RBFOX1: variants seen among roughly 807,000 people sequenced by gnomAD.
RBFOX1 encodes the protein RNA binding fox-1 homolog 1, also known as RNA binding protein fox-1 homolog 1.
RBFOX1 carries 8 observed loss-of-function variants against 57.7 expected under a neutral mutation model. The observed-to-expected ratio is 0.14, with a 90% CI of 0.08 to 0.25. The LOEUF (loss-of-function observed/expected upper bound fraction) is 0.25, where lower values mean the gene tolerates loss of function less well. Among genes scored for constraint, RBFOX1 ranks in the 10% least tolerant of loss-of-function variants. The pLI is 1.00. For missense variants in RBFOX1, 611 were observed against 548.5 expected, an observed-to-expected ratio of 1.11 and a Z score of -1.14; for synonymous variants, 326 against 222.4, an observed-to-expected ratio of 1.47 and a Z score of -4.15.
chr16:5,318,394 G>A (rs1227958235), intron 1 of RBFOX1, among the ~76,000 whole-genome samples: 1 of 152,116 alleles, frequency 6.6e-6, no homozygotes, highest in African/African-American at 2.4e-5. Flanking sequence ...CTCCCAAAGG[G>A]CTGGGATTAC....
At chr16:5,540,945 G>A (rs1366220578) in intron 2 of RBFOX1, among the ~76,000 whole-genome samples, 1 of 152,108 alleles carries the variant, frequency 6.6e-6, no homozygotes, top group African/African-American at 2.4e-5. Context: ...CACCTCCCTG[G>A]TTCATGTGAT....
intron 4 of RBFOX1, among the ~76,000 whole-genome samples, chr16:5,950,015 C>G (rs149520540): frequency 0.019 from 2,965 of 152,316 alleles, 50 homozygotes; most frequent in Middle Eastern, 0.031. Flanking sequence ...GCACATCACA[C>G]CAGTGGGCAG....
chr16:6,518,369 C>T (rs2096423021), intron 2 of RBFOX1, among the ~76,000 whole-genome samples: 1 of 152,124 alleles, frequency 6.6e-6, no homozygotes, highest in South Asian at 2.1e-4. Flanking sequence ...TCAAGGCTTT[C>T]TGTGGGTGTC....
At chr16:6,210,361 CAAAAAAAAA>C (rs3064933) in intron 1 of RBFOX1, among the ~76,000 whole-genome samples, 1 of 61,454 alleles carries the variant, frequency 1.6e-5, no homozygotes. Flanking sequence ...AAAAAAACAC[CAAAAAAAAA>C]AAAAAAAAGA....
At chr16:6,168,153 C>G (rs1387509247) in intron 1 of RBFOX1, among the ~76,000 whole-genome samples, 1 of 152,136 alleles carries the variant, frequency 6.6e-6, no homozygotes, top group Non-Finnish European at 1.5e-5. Context: ...TGATATGCGG[C>G]TTATCTTTCA....
intron 3 of RBFOX1, among the ~76,000 whole-genome samples, chr16:5,830,524 G>C (rs1179257052): frequency 6.6e-6 from 1 of 152,182 alleles, no homozygotes; most frequent in Non-Finnish European, 1.5e-5. Context: ...ACCCTCGGGA[G>C]AAAGGGGTTC....
chr16:6,653,539 C>T lies in RBFOX1; in HGVS notation c.-63-1064C>T, dbSNP rs183132957. Reference sequence around the variant, plus strand: ...AGGAATTATGTTTGTTTCACCTTTTCGTACCAGGACAACAAGAAAATAGCA... The same window carrying T: ...AGGAATTATGTTTGTTTCACCTTTTTGTACCAGGACAACAAGAAAATAGCA... On this transcript the variant is annotated intron_variant, in intron 2 of 15. Coordinates refer to ENST00000550418, the MANE Select transcript of RBFOX1 (RefSeq NM_018723.4). Among the ~76,000 whole-genome samples the T allele has an allele frequency of 4.8e-3, 725 of 152,056 alleles. 4 individuals carry two copies. Among genetic ancestry groups the T allele is most frequent in the Non-Finnish European group, 7.8e-3 (530 of 68,014 alleles).
chr16:6,812,094 A>G (rs1038564347), intron 3 of RBFOX1, among the ~76,000 whole-genome samples: 4 of 152,144 alleles, frequency 2.6e-5, no homozygotes, highest in Admixed American at 6.5e-5. Context: ...ACTCCATATG[A>G]TGAAGAAGCC....
intron 4 of RBFOX1, among the ~76,000 whole-genome samples, chr16:7,090,002 T>G (rs1437709374): frequency 6.6e-6 from 1 of 152,166 alleles, no homozygotes; most frequent in African/African-American, 2.4e-5. Flanking sequence ...ATTAACACTG[T>G]GAGGTTGGAG....
intron 2 of RBFOX1, among the ~76,000 whole-genome samples, chr16:6,396,841 G>T (rs1192338544): frequency 6.6e-6 from 1 of 152,076 alleles, no homozygotes; most frequent in African/African-American, 2.4e-5. Flanking sequence ...GAAACAGCTG[G>T]TATAAATGTG....
intron 2 of RBFOX1, among the ~76,000 whole-genome samples, chr16:6,545,864 T>A (rs1039354477): frequency 6.6e-6 from 1 of 152,124 alleles, no homozygotes; most frequent in Non-Finnish European, 1.5e-5. Context: ...AAGAATAGGG[T>A]TTGAATCCCA....
intron 2 of RBFOX1, among the ~76,000 whole-genome samples, chr16:6,405,509 A>G (rs1417667755): frequency 2.0e-5 from 3 of 152,168 alleles, no homozygotes; most frequent in Non-Finnish European, 4.4e-5. Flanking sequence ...GAAAGAAAAC[A>G]TGGAGAATTG....
At position 7,139,534 on chromosome 16, in the gene RBFOX1, G is replaced by C. The variant is rs190789029; in HGVS notation, c.27+87436G>C. On this transcript the variant is annotated intron_variant, in intron 4 of 15. Transcript: ENST00000550418. ...CCAGGTTTTTAAAATGCTTAACATGGTTCCTGGCATATTATCTGTGCTGGA... is the reference window on the plus strand; with the variant it reads ...CCAGGTTTTTAAAATGCTTAACATGCTTCCTGGCATATTATCTGTGCTGGA... 1.3e-5 allele frequency among the ~76,000 whole-genome samples: 2 copies of C among 152,200 alleles called. 1 individual carries two copies. The highest frequency in any genetic ancestry group is 4.8e-5 in the African/African-American group (2 of 41,528).
At chr16:6,066,917 T>C (rs2095772101) in intron 1 of RBFOX1, among the ~76,000 whole-genome samples, 1 of 152,038 alleles carries the variant, frequency 6.6e-6, no homozygotes, top group African/African-American at 2.4e-5. Flanking sequence ...CTCACCATTA[T>C]GGTGTATTAT....
chr16:5,779,410 T>C (rs1361758734), intron 3 of RBFOX1, among the ~76,000 whole-genome samples: 1 of 152,252 alleles, frequency 6.6e-6, no homozygotes, highest in African/African-American at 2.4e-5. Context: ...TAGCTGGTGC[T>C]ATACAATTCC....
intron 3 of RBFOX1, among the ~76,000 whole-genome samples, chr16:5,682,894 G>C (rs1048024739): frequency 6.6e-6 from 1 of 152,162 alleles, no homozygotes; most frequent in African/African-American, 2.4e-5. Flanking sequence ...CCATGAAACA[G>C]CTGTGGAAGT....
chr16:6,697,198 G>A (rs1028718282), intron 3 of RBFOX1, among the ~76,000 whole-genome samples: 2 of 152,188 alleles, frequency 1.3e-5, no homozygotes, highest in Non-Finnish European at 2.9e-5. Flanking sequence ...ATTATAATAT[G>A]TATATATGGT....
intron 3 of RBFOX1, among the ~76,000 whole-genome samples, chr16:5,672,250 G>T (rs777126554): frequency 3.9e-5 from 6 of 152,018 alleles, no homozygotes; most frequent in Non-Finnish European, 8.8e-5. Flanking sequence ...GAACTGTCTG[G>T]GCAGATGCCT....
chr16:6,212,945 AG>A (rs2097308379), intron 1 of RBFOX1, among the ~76,000 whole-genome samples: 1 of 152,214 alleles, frequency 6.6e-6, no homozygotes, highest in African/African-American at 2.4e-5. Context: ...TTACATAAAG[AG>A]GCAGACCTGA....
Sources: allele counts gnomAD v4.1 joint callset (sites outside exome capture counted in the v4.1 genomes callset), GRCh38; gene constraint gnomAD v4.1.1; transcripts MANE v1.5; gene names NCBI Gene and HGNC (gene_info 2026-07-23, HGNC 2026-07-21).